ATRN: variants seen among roughly 807,000 people sequenced by gnomAD.
ATRN encodes the protein attractin-2.
Under a neutral mutation model 178.7 loss-of-function variants are expected in ATRN, and 54 were observed. The ratio of observed to expected loss-of-function variants is 0.30; its 90% CI spans 0.24 to 0.38. The LOEUF (loss-of-function observed/expected upper bound fraction) is 0.38. ATRN is among the 10% of genes least tolerant of loss of function. The pLI is 1.00. For synonymous variants in ATRN, 636 were observed against 663.0 expected (o/e 0.96, Z 0.63); for missense variants, 1,443 against 1,815.1 (o/e 0.79, Z 3.73).
At chr20:3,596,999 A>C (rs890241694) in intron 21 of ATRN, among the ~76,000 whole-genome samples, 4 of 149,912 alleles carry the variant, frequency 2.7e-5, no homozygotes, top group African/African-American at 9.8e-5. Flanking sequence ...TACCTGCTGT[A>C]CTGGGTTGAA....
At chr20:3,512,002 T>C (rs1473952147) in intron 1 of ATRN, among the ~76,000 whole-genome samples, 1 of 149,080 alleles carries the variant, frequency 6.7e-6, no homozygotes, top group Non-Finnish European at 1.5e-5. Context: ...GTATAAACTG[T>C]TTTTGGCAAA....
intron 11 of ATRN, among the ~76,000 whole-genome samples, chr20:3,570,818 G>T (rs983939750): frequency 3.3e-5 from 5 of 152,186 alleles, no homozygotes; most frequent in African/African-American, 1.2e-4. Context: ...AGAAAGAATG[G>T]TTTTTAAATA....
intron 1 of ATRN, among the ~76,000 whole-genome samples, chr20:3,486,510 C>T (rs1355087859): frequency 6.6e-6 from 1 of 152,026 alleles, no homozygotes; most frequent in African/African-American, 2.4e-5. Context: ...CGAGTTCAAG[C>T]GATTCTGGTG....
chr20:3,607,445 T>A (rs2086690706), intron 24 of ATRN, among the ~76,000 whole-genome samples: 1 of 152,132 alleles, frequency 6.6e-6, no homozygotes, highest in African/African-American at 2.4e-5. Context: ...TCAGTTTTTT[T>A]AGCTCCCACA....
intron 19 of ATRN, among the ~76,000 whole-genome samples, chr20:3,592,135 C>T (rs1481351050): frequency 6.6e-6 from 1 of 152,204 alleles, no homozygotes; most frequent in Non-Finnish European, 1.5e-5. Flanking sequence ...TGTAGTGGCT[C>T]ACGCCTGTAA....
At chr20:3,578,801 T>G (rs1279419918) in intron 15 of ATRN, 29 bp downstream of exon 15, 2 of 1,590,968 alleles carry the variant, frequency 1.3e-6, no homozygotes, top group South Asian at 1.1e-5. Flanking sequence ...AACTTAAGTT[T>G]CTGGTTATCC....
rs756685948 is a variant in ATRN at position 3,471,086 on chromosome 20, G to A, written c.-22G>A. 16 of 1,506,876 alleles carry A rather than the reference G, an allele frequency of 1.1e-5. No homozygotes were observed. The East Asian group carries it at 4.3e-4, about 41-fold the overall frequency. 93.3% of individuals were successfully genotyped at this position (1,506,876 alleles called of 1,614,324 possible). A position where few individuals can be genotyped will look rare whatever the true frequency, so the allele number is the denominator to read the frequency against. On this transcript the variant is annotated 5_prime_UTR_variant, in exon 1 of 29. Transcript: ENST00000262919. ...CGGTGTGTGTGTATGTGTTCGCGGGGCGCCGTCTCAGCCCCGGGAAGATGG... is the reference window on the plus strand; with the variant it reads ...CGGTGTGTGTGTATGTGTTCGCGGGACGCCGTCTCAGCCCCGGGAAGATGG...
At chr20:3,570,726 C>T (rs1039963039) in intron 11 of ATRN, among the ~76,000 whole-genome samples, 1 of 152,154 alleles carries the variant, frequency 6.6e-6, no homozygotes, top group Admixed American at 6.5e-5. Flanking sequence ...ATCTGCTAGA[C>T]TCATTGTGAA....
chr20:3,524,260 C>T (rs1600072487), intron 1 of ATRN, among the ~76,000 whole-genome samples: 2 of 148,874 alleles, frequency 1.3e-5, no homozygotes, highest in East Asian at 3.9e-4. Context: ...GCAGGGGTTG[C>T]AATCCTAGTA....
intron 1 of ATRN, among the ~76,000 whole-genome samples, chr20:3,487,346 C>A (rs1342810201): frequency 6.6e-6 from 1 of 152,078 alleles, no homozygotes; most frequent in African/African-American, 2.4e-5. Context: ...CAGTTCTCTA[C>A]CTTAGCCTCG....
rs1412387586 is a variant in ATRN, at chr20:3,597,886, G to A, written c.3470-20G>A. ...TTGTGTGTGTTTAGTTTTTAAATAT[G>A]CATTTCTTTCTTTCCATAGATACTC... On this transcript the variant is annotated intron_variant, in intron 21 of 28. Coordinates refer to ENST00000262919, the MANE Select transcript of ATRN (RefSeq NM_139321.3). The A allele has an allele frequency of 8.3e-6, 12 of 1,441,164 alleles. No homozygotes were observed. The highest frequency in any genetic ancestry group is 2.8e-5 in the African/African-American group (2 of 71,034). The allele number at this position is 1,441,164 out of a possible 1,614,324, so 89.3% of individuals were successfully genotyped here. A position where few individuals can be genotyped will look rare whatever the true frequency, so the allele number is the denominator to read the frequency against.
chr20:3,508,369 A>G (rs1395772803), intron 1 of ATRN, among the ~76,000 whole-genome samples: 2 of 152,178 alleles, frequency 1.3e-5, no homozygotes, highest in African/African-American at 4.8e-5. Flanking sequence ...AGGGCCAGGT[A>G]GTATATATCT....
intron 1 of ATRN, among the ~76,000 whole-genome samples, chr20:3,472,806 T>C (rs563386811): frequency 6.6e-6 from 1 of 152,198 alleles, no homozygotes; most frequent in Admixed American, 6.5e-5. Context: ...GATTTGGAAA[T>C]GTGGAGCTGG....
chr20:3,639,634 A>G (rs568978531), intron 27 of ATRN, among the ~76,000 whole-genome samples: 31 of 152,272 alleles, frequency 2.0e-4, no homozygotes, highest in Non-Finnish European at 3.8e-4. Flanking sequence ...GAAAATATTT[A>G]TCACCCCCCT....
At chr20:3,637,768 G>A (rs917672833) in intron 26 of ATRN, among the ~76,000 whole-genome samples, 2 of 152,184 alleles carry the variant, frequency 1.3e-5, no homozygotes, top group African/African-American at 4.8e-5. Flanking sequence ...GATGCCCAGA[G>A]ACTTCAAACA....
At chr20:3,621,510 G>C (rs982575068) in intron 24 of ATRN, among the ~76,000 whole-genome samples, 1 of 152,246 alleles carries the variant, frequency 6.6e-6, no homozygotes, top group African/African-American at 2.4e-5. Flanking sequence ...GAATTGGGTT[G>C]TGGAAGTCGT....
intron 1 of ATRN, chr20:3,489,947 C>G (rs550511246): frequency 1.8e-6 from 2 of 1,093,104 alleles, no homozygotes; most frequent in Admixed American, 1.7e-5. Flanking sequence ...TCTTACTGAT[C>G]TGCTCTTCTT....
chr20:3,646,707 CTG>C lies in ATRN; in HGVS notation c.4166-13_4166-12del. 6.3e-7 allele frequency: 1 copy of C among 1,589,576 alleles called. No individual in the cohort carries two copies. The highest frequency in any genetic ancestry group is 8.6e-7 in the Non-Finnish European group (1 of 1,167,084). Reference sequence around the variant, plus strand: ...CAGCTGCTCCCAGCATATGTTCTCTCTGTGGTTCTCCCAAGGTCTTGCTGTGG... The same window carrying C: ...CAGCTGCTCCCAGCATATGTTCTCTCTGGTTCTCCCAAGGTCTTGCTGTGG... On this transcript the variant is annotated splice_polypyrimidine_tract_variant and intron_variant, in intron 28 of 28. Transcript: ENST00000262919.
At chr20:3,520,655 C>T (rs1251392479) in intron 1 of ATRN, among the ~76,000 whole-genome samples, 3 of 151,974 alleles carry the variant, frequency 2.0e-5, no homozygotes, top group African/African-American at 4.8e-5. Flanking sequence ...CCACCATGCC[C>T]AGATAATTTT....
Sources: gnomAD v4.1 joint callset for allele counts (sites outside exome capture counted in the v4.1 genomes callset) on GRCh38, gnomAD v4.1.1 for gene constraint, MANE v1.5 for transcripts, NCBI Gene and HGNC (gene_info 2026-07-23, HGNC 2026-07-21) for gene names.